Variants in CNTNAP2 observed in about 807,000 individuals in gnomAD.
CNTNAP2 encodes the protein contactin-associated protein-like 2.
Under a neutral mutation model 155.2 loss-of-function variants are expected in CNTNAP2, and 98 were observed. The observed-to-expected ratio is 0.63, with a 90% CI of 0.54 to 0.75. The LOEUF (loss-of-function observed/expected upper bound fraction) is 0.75. Ranked by LOEUF, CNTNAP2 falls within the 30% of genes least tolerant of loss-of-function variation. CNTNAP2 has a pLI of 0.00. For missense variants in CNTNAP2, 1,727 were observed against 1,688.1 expected (o/e 1.02, Z -0.40); for synonymous variants, 651 against 631.2 (o/e 1.03, Z -0.47).
At chr7:147,098,445 T>C (rs111529025) in intron 4 of CNTNAP2, among the ~76,000 whole-genome samples, 15 of 152,294 alleles carry the variant, frequency 9.8e-5, no homozygotes, top group Middle Eastern at 3.4e-3. Context: ...CTGTATTGTT[T>C]TTTGTTTGTT....
intron 13 of CNTNAP2, among the ~76,000 whole-genome samples, chr7:147,828,292 G>A (rs1166095533): frequency 3.3e-5 from 5 of 152,106 alleles, no homozygotes; most frequent in South Asian, 2.1e-4. Flanking sequence ...AAATTGGATC[G>A]AAGTCCAGAT....
intron 2 of CNTNAP2, among the ~76,000 whole-genome samples, chr7:146,779,250 T>C (rs1188820867): frequency 6.6e-6 from 1 of 152,206 alleles, no homozygotes; most frequent in East Asian, 1.9e-4. Context: ...TCTTCCTAGT[T>C]ACTAAAGGAC....
chr7:148,399,683 T>C (rs1270938419), intron 22 of CNTNAP2, among the ~76,000 whole-genome samples: 1 of 152,184 alleles, frequency 6.6e-6, no homozygotes, highest in South Asian at 2.1e-4. Flanking sequence ...AATAATTCTC[T>C]CTGAAATTAA....
chr7:146,796,335 C>T (rs1349424497), intron 2 of CNTNAP2, among the ~76,000 whole-genome samples: 1 of 152,124 alleles, frequency 6.6e-6, no homozygotes, highest in Non-Finnish European at 1.5e-5. Context: ...GAACGACCGT[C>T]ACATCCATCT....
chr7:146,226,391 G>C (rs552548125), intron 1 of CNTNAP2, among the ~76,000 whole-genome samples: 10 of 152,286 alleles, frequency 6.6e-5, no homozygotes, highest in African/African-American at 2.4e-4. Context: ...AGGCATGGTG[G>C]CTTACACCTC....
chr7:146,211,433 A>T (rs1274297930), intron 1 of CNTNAP2, among the ~76,000 whole-genome samples: 2 of 152,146 alleles, frequency 1.3e-5, no homozygotes, highest in African/African-American at 4.8e-5. Flanking sequence ...GTAAGTGCTC[A>T]CTTTTTTGTG....
chr7:146,402,223 AT>A (rs1795724858), intron 1 of CNTNAP2, among the ~76,000 whole-genome samples: 1 of 152,168 alleles, frequency 6.6e-6, no homozygotes, highest in Admixed American at 6.5e-5. Context: ...ATTACCAACT[AT>A]TTTATTGATA....
chr7:148,122,739 T>C (rs1412708841), intron 16 of CNTNAP2, among the ~76,000 whole-genome samples: 2 of 151,266 alleles, frequency 1.3e-5, no homozygotes, highest in Admixed American at 6.6e-5. Flanking sequence ...GCAGAATGCA[T>C]AGAAAGAGAG....
At chr7:148,349,261 G>A (rs1798375815) in intron 21 of CNTNAP2, among the ~76,000 whole-genome samples, 1 of 152,050 alleles carries the variant, frequency 6.6e-6, no homozygotes, top group African/African-American at 2.4e-5. Context: ...CTAAAGACAG[G>A]GGGTTCCAGT....
chr7:147,584,742 T>G (rs907176776), intron 12 of CNTNAP2, among the ~76,000 whole-genome samples: 3 of 152,250 alleles, frequency 2.0e-5, no homozygotes, highest in Non-Finnish European at 4.4e-5. Context: ...TCTTCCTCTC[T>G]GATCCAGAGA....
At chr7:147,653,621 G>A (rs1031542654) in intron 13 of CNTNAP2, among the ~76,000 whole-genome samples, 7 of 152,178 alleles carry the variant, frequency 4.6e-5, no homozygotes, top group Admixed American at 2.0e-4. Flanking sequence ...GAGGAACCAC[G>A]CTGAGGAGCA....
intron 1 of CNTNAP2, among the ~76,000 whole-genome samples, chr7:146,320,298 G>A (rs1250894159): frequency 6.6e-6 from 1 of 152,044 alleles, no homozygotes; most frequent in African/African-American, 2.4e-5. Flanking sequence ...TTTGTGTGGT[G>A]TCCTAGAGTG....
intron 9 of CNTNAP2, among the ~76,000 whole-genome samples, chr7:147,328,389 C>T (rs1167733812): frequency 6.6e-6 from 1 of 152,164 alleles, no homozygotes; most frequent in African/African-American, 2.4e-5. Flanking sequence ...GTGACCAGTA[C>T]ATTTGTTTGA....
intron 8 of CNTNAP2, among the ~76,000 whole-genome samples, chr7:147,177,659 A>C (rs1584774095): frequency 6.6e-6 from 1 of 152,126 alleles, no homozygotes; most frequent in African/African-American, 2.4e-5. Context: ...AGGCAACTTC[A>C]TATTCTTCTC....
At chr7:147,755,700 G>A (rs529529280) in intron 13 of CNTNAP2, among the ~76,000 whole-genome samples, 50 of 152,198 alleles carry the variant, frequency 3.3e-4, no homozygotes, top group Middle Eastern at 3.4e-3. Flanking sequence ...GTAGTATTAC[G>A]GTTAAAGCCA....
chr7:148,226,957 C>T (rs529659463), intron 19 of CNTNAP2, among the ~76,000 whole-genome samples: 9 of 152,310 alleles, frequency 5.9e-5, no homozygotes, highest in African/African-American at 1.9e-4. Context: ...CTACTTCTGC[C>T]CCTCAAGCCG....
chr7:146,853,972 A>G (rs1794929690), intron 3 of CNTNAP2, among the ~76,000 whole-genome samples: 1 of 152,238 alleles, frequency 6.6e-6, no homozygotes, highest in South Asian at 2.1e-4. Flanking sequence ...ATTAGAAGTC[A>G]AACTGTCCAA....
intron 10 of CNTNAP2, among the ~76,000 whole-genome samples, chr7:147,473,322 G>T (rs568399101): frequency 6.6e-6 from 1 of 152,236 alleles, no homozygotes; most frequent in Admixed American, 6.5e-5. Flanking sequence ...CATATTGAGA[G>T]AAGTAATGCA....
intron 1 of CNTNAP2, among the ~76,000 whole-genome samples, chr7:146,173,895 A>G (rs1302592356): frequency 6.6e-6 from 1 of 152,190 alleles, no homozygotes; most frequent in Non-Finnish European, 1.5e-5. Flanking sequence ...CTGAATGACT[A>G]AATATCTCAA....
Sources: gnomAD v4.1 joint callset for allele counts (sites outside exome capture counted in the v4.1 genomes callset) on GRCh38, gnomAD v4.1.1 for gene constraint, MANE v1.5 for transcripts, NCBI Gene and HGNC (gene_info 2026-07-23, HGNC 2026-07-21) for gene names.